The following SDR42E2 variants were observed in gnomAD, a reference collection of about 807,000 sequenced individuals.
SDR42E2 encodes the protein putative short-chain dehydrogenase/reductase family 42E member 2.
SDR42E2 carries 20 observed loss-of-function variants against 10.5 expected under a neutral mutation model. That is an observed-to-expected ratio of 1.90 (90% CI 1.34 to 2.77). The LOEUF (loss-of-function observed/expected upper bound fraction) is 2.77, where lower values mean the gene tolerates loss of function less well. Among genes scored for constraint, SDR42E2 ranks in the 30% most tolerant of loss-of-function variants. The probability of loss-of-function intolerance (pLI) is 0.00; values close to 1 mark genes in which losing one functional copy is unlikely to be tolerated. For synonymous variants in SDR42E2, 72 were observed against 39.2 expected (o/e 1.84, Z -3.12); for missense variants, 162 against 104.2 (o/e 1.55, Z -2.42).
At chr16:22,177,577 A>C (rs372407612) in intron 7 of SDR42E2, among the ~76,000 whole-genome samples, 5 of 152,260 alleles carry the variant, frequency 3.3e-5, no homozygotes, top group African/African-American at 9.6e-5. Flanking sequence ...GCAGTGAGCC[A>C]AGATTGCGCC....
intron 8 of SDR42E2, among the ~76,000 whole-genome samples, chr16:22,179,825 A>AG (rs2142074611): frequency 6.6e-6 from 1 of 151,778 alleles, no homozygotes; most frequent in East Asian, 1.9e-4. Context: ...AAAAAAAAAA[A>AG]AAAAAGAAGA....
intron 8 of SDR42E2, among the ~76,000 whole-genome samples, chr16:22,180,684 C>T (rs1474475915): frequency 6.6e-6 from 1 of 151,908 alleles, no homozygotes; most frequent in Non-Finnish European, 1.5e-5. Flanking sequence ...CAACAGAGCC[C>T]GACCCTGTCT....
chr16:22,189,564 GC>G (rs1176585552), intron 12 of SDR42E2, among the ~76,000 whole-genome samples: 1 of 152,192 alleles, frequency 6.6e-6, no homozygotes, highest in Non-Finnish European at 1.5e-5. Context: ...TGGGCCCCAA[GC>G]CATCTGGCAG....
rs1056569708 is a variant in SDR42E2, at chr16:22,185,701, G to C, written c.941-1020G>C. On this transcript the variant is annotated intron_variant, in intron 11 of 12. Transcript: ENST00000602312. Reference sequence around the variant, plus strand: ...TAACTCACTGCAGACTCAACCTCCTGGGCTCAAGCAATTCTCTGCCTCAGC... The same window carrying C: ...TAACTCACTGCAGACTCAACCTCCTCGGCTCAAGCAATTCTCTGCCTCAGC... Among the ~76,000 whole-genome samples the C allele has an allele frequency of 7.2e-5, 11 of 152,138 alleles. No homozygotes were observed. In the South Asian group the frequency reaches 1.5e-3, roughly 20 times the overall value.
intron 8 of SDR42E2, among the ~76,000 whole-genome samples, chr16:22,179,880 G>T (rs2046678506): frequency 1.3e-5 from 2 of 152,046 alleles, no homozygotes; most frequent in Non-Finnish European, 2.9e-5. Context: ...TAGGGTGAGG[G>T]AATTGGGCTT....
intron 8 of SDR42E2, among the ~76,000 whole-genome samples, chr16:22,180,729 C>T (rs960071719): frequency 2.6e-5 from 4 of 151,532 alleles, no homozygotes; most frequent in African/African-American, 7.3e-5. Flanking sequence ...GGATCTGGCC[C>T]GGCATGGTGG....
At chr16:22,181,806 C>T (rs2046697907) in intron 9 of SDR42E2, 150 bp downstream of exon 9, 1 of 606,076 alleles carries the variant, frequency 1.6e-6, no homozygotes, top group Non-Finnish European at 2.9e-6. Context: ...TTGGGGGAAG[C>T]AGGTAGGTGG....
chr16:22,174,980 A>G (rs1241117834), intron 7 of SDR42E2, among the ~76,000 whole-genome samples: 2 of 151,944 alleles, frequency 1.3e-5, no homozygotes, highest in Non-Finnish European at 2.9e-5. Flanking sequence ...CTACTATCCA[A>G]GCGGGTTCCT....
chr16:22,167,056 T>G, intron 4 of SDR42E2, 57 bp downstream of exon 4: 2 of 688,518 alleles, frequency 2.9e-6, no homozygotes, highest in East Asian at 2.7e-5. Context: ...CAGTCCTGGC[T>G]CTGCCCTCAC....
chr16:22,164,483 C>T (rs143354776), intron 1 of SDR42E2, among the ~76,000 whole-genome samples: 32 of 152,238 alleles, frequency 2.1e-4, no homozygotes, highest in African/African-American at 7.5e-4. Context: ...CGCTTGAGCA[C>T]AGAAGTTTGA....
chr16:22,166,446 A>G lies in SDR42E2; in HGVS notation c.240+12A>G, dbSNP rs2046540985. ...CCAAGTTCATCCAGGTACAAGGAAC[A>G]AGGGTCTTAATAGACTGGGGCAGTG... is the stretch of plus-strand genomic sequence containing the variant. On this transcript the variant is annotated intron_variant, in intron 3 of 12. Transcript: ENST00000602312. The G allele has an allele frequency of 2.5e-6, 1 of 402,812 alleles. No homozygotes were observed. The highest frequency in any genetic ancestry group is 4.4e-6 in the Non-Finnish European group (1 of 227,350). 25.0% of individuals were successfully genotyped at this position (402,812 alleles called of 1,614,324 possible). A position where few individuals can be genotyped will look rare whatever the true frequency, so the allele number is the denominator to read the frequency against.
rs2046668022 is a variant in SDR42E2 at position 22,178,838 on chromosome 16, C to A, written c.672+626C>A. 2.0e-5 allele frequency among the ~76,000 whole-genome samples: 3 copies of A among 152,178 alleles called. No homozygotes were observed. The South Asian group carries it at 6.2e-4, about 32-fold the overall frequency. On this transcript the variant is annotated intron_variant, in intron 8 of 12. Transcript: ENST00000602312. Reference sequence around the variant, plus strand: ...GGCCAAACAGAGGGGACAGCTTGGGCACAAACCTGGAAGTGAGAAAGGTCA... The same window carrying A: ...GGCCAAACAGAGGGGACAGCTTGGGAACAAACCTGGAAGTGAGAAAGGTCA...
chr16:22,165,678 C>G (rs1366219720), intron 2 of SDR42E2, 41 bp downstream of exon 2: 1 of 401,508 alleles, frequency 2.5e-6, no homozygotes, highest in Non-Finnish European at 4.4e-6. Context: ...GTGGAGAGGT[C>G]TCAGGTCCAA....
chr16:22,178,148 C>G lies in SDR42E2; in HGVS notation c.608C>G (p.Thr203Arg). 1 of 702,854 alleles carries G rather than the reference C, an allele frequency of 1.4e-6. No individual in the cohort carries two copies. The highest frequency in any genetic ancestry group is 1.5e-5 in the South Asian group (1 of 67,590). The allele number at this position is 702,854 out of a possible 1,614,324, so 43.5% of individuals were successfully genotyped here. ...GTGCTAGGAGGAGGCACTCTTCGGACGTGTGTGCTCCGGCCTCCAGGGATC... is the reference window on the plus strand; with the variant it reads ...GTGCTAGGAGGAGGCACTCTTCGGAGGTGTGTGCTCCGGCCTCCAGGGATC... ...MPLPGGGTLR[T>R]CVLRPPGIYG... The change falls in exon 8 of 13, where the codon ACG (threonine) becomes AGG (arginine). Residue 203 changes from threonine to arginine, a missense_variant. Physicochemically the swap from Thr to Arg is moderately conservative, Grantham distance 71 (BLOSUM62 -1). Transcript: ENST00000602312.
chr16:22,166,572 TGCTACCAGCTGGGTA>T (rs1428050852), intron 3 of SDR42E2, 138 bp downstream of exon 3: 4 of 402,832 alleles, frequency 9.9e-6, no homozygotes, highest in Non-Finnish European at 1.8e-5. Flanking sequence ...CTGGCTCTGG[TGCTACCAGCTGGGTA>T]GCTATGGTCA....
Position 22,167,084 on chromosome 16 carries a change from C to T in SDR42E2, c.336+85C>T, listed in dbSNP as rs2046548107. On this transcript the variant is annotated intron_variant, in intron 4 of 12. Coordinates refer to ENST00000602312, the MANE Select transcript of SDR42E2 (RefSeq NM_001394319.2). ...GCCCTCACACCCATGCATTCCCTAT[C>T]ATGCTTCACCTATTATAGGAGGGAC... 3 of 569,434 alleles carry T rather than the reference C, an allele frequency of 5.3e-6. No individual in the cohort carries two copies. The South Asian group carries it at 5.6e-5, about 11-fold the overall frequency. 35.3% of individuals were successfully genotyped at this position (569,434 alleles called of 1,614,324 possible). A position where few individuals can be genotyped will look rare whatever the true frequency, so the allele number is the denominator to read the frequency against.
At chr16:22,171,828 G>A (rs572256438) in intron 6 of SDR42E2, among the ~76,000 whole-genome samples, 35 of 152,254 alleles carry the variant, frequency 2.3e-4, no homozygotes, top group Non-Finnish European at 4.4e-4. Flanking sequence ...CACTGCACCC[G>A]GACAAGCCTC....
intron 10 of SDR42E2, among the ~76,000 whole-genome samples, chr16:22,183,730 A>T (rs1402603879): frequency 6.6e-6 from 1 of 152,188 alleles, no homozygotes; most frequent in Admixed American, 6.5e-5. Context: ...GATTCTACAT[A>T]AATGCCTTAG....
chr16:22,173,715 C>T (rs918376358), intron 7 of SDR42E2, among the ~76,000 whole-genome samples: 10 of 151,748 alleles, frequency 6.6e-5, no homozygotes, highest in Non-Finnish European at 1.3e-4. Context: ...AAATAAATTT[C>T]GTGCTATCCA....
Sources: gnomAD v4.1 joint callset for allele counts (sites outside exome capture counted in the v4.1 genomes callset) on GRCh38, gnomAD v4.1.1 for gene constraint, MANE v1.5 for transcripts, NCBI Gene and HGNC (gene_info 2026-07-23, HGNC 2026-07-21) for gene names.